METTL15: variants seen among roughly 807,000 people sequenced by gnomAD.
The protein encoded by METTL15 is 12S rRNA N(4)-cytidine methyltransferase METTL15.
In METTL15, 34 loss-of-function variants were observed where a neutral mutation model predicts 38.3. That is an observed-to-expected ratio of 0.89 (90% CI 0.68 to 1.18). METTL15 has a LOEUF of 1.18. Among genes scored for constraint, METTL15 ranks in the 50% most tolerant of loss-of-function variants. The pLI is 0.00. For synonymous variants in METTL15, 162 were observed against 170.9 expected (o/e 0.95, Z 0.41); for missense variants, 438 against 498.4 (o/e 0.88, Z 1.15).
Position 28,332,963 on chromosome 11 carries a change from A to G in METTL15, c.*2122A>G, listed in dbSNP as rs1335895035. The G allele has an allele frequency of 3.1e-5, 4 of 128,948 alleles. No individual in the cohort carries two copies. The South Asian group carries it at 7.4e-4, about 24-fold the overall frequency. The allele number at this position is 128,948 out of a possible 1,614,324, so 8.0% of individuals were successfully genotyped here. Reference sequence around the variant, plus strand: ...AAAAAAAAAAAAAAAAGGAAGAAAGAGAAGATAGAGACACAGGGGAGAATG... The same window carrying G: ...AAAAAAAAAAAAAAAAGGAAGAAAGGGAAGATAGAGACACAGGGGAGAATG... On this transcript the variant is annotated 3_prime_UTR_variant, in exon 7 of 7. Transcript: ENST00000407364.
intron 3 of METTL15, among the ~76,000 whole-genome samples, chr11:28,152,482 A>G (rs1462181634): frequency 6.6e-6 from 1 of 151,970 alleles, no homozygotes; most frequent in Non-Finnish European, 1.5e-5. Flanking sequence ...TTTTAAATAT[A>G]GTTTGACAGA....
At chr11:28,177,829 T>C (rs186875659) in intron 3 of METTL15, among the ~76,000 whole-genome samples, 106 of 152,104 alleles carry the variant, frequency 7.0e-4, no homozygotes, top group African/African-American at 2.4e-3. Context: ...TCAATAGTTC[T>C]AGTTACTTCA....
At chr11:28,207,441 G>T (rs967166526) in intron 3 of METTL15, among the ~76,000 whole-genome samples, 4 of 152,136 alleles carry the variant, frequency 2.6e-5, no homozygotes, top group Non-Finnish European at 5.9e-5. Flanking sequence ...AACCAGCCTT[G>T]CATCCCAGGG....
chr11:28,195,814 G>A (rs1181224553), intron 3 of METTL15, among the ~76,000 whole-genome samples: 2 of 151,946 alleles, frequency 1.3e-5, no homozygotes, highest in Non-Finnish European at 2.9e-5. Context: ...TTTTTCTTAG[G>A]TTTTCTTCTA....
chr11:28,328,245 C>G, intron 6 of METTL15: 1 of 1,344,216 alleles, frequency 7.4e-7, no homozygotes, highest in Non-Finnish European at 1.0e-6. Context: ...GATAAATCCC[C>G]TAGTGTCTAA....
At chr11:28,382,444 C>T (rs538350184) in intron 5 of METTL15, among the ~76,000 whole-genome samples, 21 of 152,220 alleles carry the variant, frequency 1.4e-4, no homozygotes, top group Admixed American at 9.2e-4. Flanking sequence ...TGGTTGTCTT[C>T]CATGTTCTCA....
chr11:28,440,962 T>C lies in METTL15; in HGVS notation c.*424+16598T>C, dbSNP rs1248458034. The stretch of plus-strand genomic sequence containing the variant: ...GCCCAAACTGAGATGTGCTGTTAAG[T>C]ATAAAATTCACATTGGATTTTGAAG... On this transcript the variant is annotated intron_variant and NMD_transcript_variant, in intron 6 of 7. Transcript: ENST00000532947. 2.6e-5 allele frequency among the ~76,000 whole-genome samples: 4 copies of C among 152,070 alleles called. No homozygotes were observed. In the East Asian group the frequency reaches 7.7e-4, roughly 29 times the overall value.
intron 4 of METTL15, among the ~76,000 whole-genome samples, chr11:28,255,544 T>C (rs1443211004): frequency 6.6e-6 from 1 of 152,172 alleles, no homozygotes; most frequent in East Asian, 1.9e-4. Flanking sequence ...AGAAAAGGCT[T>C]TCAGTTTTTC....
chr11:28,459,149 A>G (rs1851194855), intron 6 of METTL15, among the ~76,000 whole-genome samples: 2 of 152,158 alleles, frequency 1.3e-5, no homozygotes, highest in African/African-American at 2.4e-5. Context: ...GGTATTTCCT[A>G]TCCAAAATGG....
chr11:28,458,744 A>T (rs112758335), intron 6 of METTL15, among the ~76,000 whole-genome samples: 2 of 152,270 alleles, frequency 1.3e-5, no homozygotes, highest in African/African-American at 4.8e-5. Context: ...ATCTATCCAG[A>T]GCGTATTCCC....
At chr11:28,367,384 G>A (rs924816558) in intron 5 of METTL15, among the ~76,000 whole-genome samples, 1 of 152,080 alleles carries the variant, frequency 6.6e-6, no homozygotes, top group Non-Finnish European at 1.5e-5. Context: ...TGTTTGAGAG[G>A]ACCCTAGAAT....
intron 4 of METTL15, among the ~76,000 whole-genome samples, chr11:28,225,848 G>A (rs1302956465): frequency 1.3e-5 from 2 of 151,592 alleles, no homozygotes; most frequent in Admixed American, 6.6e-5. Context: ...TGTATTATCT[G>A]TCCTGCATGT....
chr11:28,484,412 T>C (rs1173025406), intron 6 of METTL15, among the ~76,000 whole-genome samples: 4 of 152,158 alleles, frequency 2.6e-5, no homozygotes, highest in African/African-American at 9.7e-5. Context: ...TGTCACCCGA[T>C]GAGTCCTGTG....
At chr11:28,442,497 G>T (rs1851043100) in intron 6 of METTL15, among the ~76,000 whole-genome samples, 1 of 152,056 alleles carries the variant, frequency 6.6e-6, no homozygotes, top group Non-Finnish European at 1.5e-5. Context: ...CCATTTTGGA[G>T]AACACGTATA....
intron 3 of METTL15, among the ~76,000 whole-genome samples, chr11:28,188,650 C>T (rs1851593331): frequency 6.6e-6 from 1 of 151,108 alleles, no homozygotes; most frequent in African/African-American, 2.4e-5. Context: ...AATGTTAGAA[C>T]TCACCTGAAG....
rs59729387 is a variant in METTL15, at chr11:28,204,435, CTTTTTTT to C, written c.271-6607_271-6601del. Among the ~76,000 whole-genome samples, 29 of 79,338 alleles carry C rather than the reference CTTTTTTT, an allele frequency of 3.7e-4. 1 individual carries two copies. The highest frequency in any genetic ancestry group is 5.1e-4 in the Non-Finnish European group (23 of 44,922). The allele number at this position is 79,338 out of a possible 152,430, so 52.0% of individuals were successfully genotyped here. A position where few individuals can be genotyped will look rare whatever the true frequency, so the allele number is the denominator to read the frequency against. On this transcript the variant is annotated intron_variant, in intron 3 of 6. Transcript: ENST00000407364. ...ATTTTCTCTCTGCACCTGAGTTTTCCTTTTTTTTTTTTTTTTTTTTTTTTTTGTAAAA... is the reference window on the plus strand; with the variant it reads ...ATTTTCTCTCTGCACCTGAGTTTTCCTTTTTTTTTTTTTTTTTTTGTAAAA...
intron 4 of METTL15, among the ~76,000 whole-genome samples, chr11:28,221,436 A>C (rs921603430): frequency 6.6e-6 from 1 of 152,010 alleles, no homozygotes; most frequent in South Asian, 2.1e-4. Context: ...ACTTGTCTGC[A>C]TTGGTTATTC....
chr11:28,377,451 C>T (rs757614118), intron 5 of METTL15, among the ~76,000 whole-genome samples: 64 of 152,248 alleles, frequency 4.2e-4, no homozygotes, highest in African/African-American at 1.0e-3. Context: ...TTGATCGCAT[C>T]GGCTCCTGAG....
intron 5 of METTL15, among the ~76,000 whole-genome samples, chr11:28,380,245 G>T (rs536539447): frequency 7.0e-6 from 1 of 143,202 alleles, no homozygotes; most frequent in Non-Finnish European, 1.5e-5. Flanking sequence ...TCGGCTCACT[G>T]CAAGCTCTGC....
Sources: gnomAD v4.1 joint callset for allele counts (sites outside exome capture counted in the v4.1 genomes callset) on GRCh38, gnomAD v4.1.1 for gene constraint, MANE v1.5 for transcripts, NCBI Gene and HGNC (gene_info 2026-07-23, HGNC 2026-07-21) for gene names.